KLHL6: variants seen among roughly 807,000 people sequenced by gnomAD.
The protein encoded by KLHL6 is kelch-like protein 6.
Under a neutral mutation model 58.6 loss-of-function variants are expected in KLHL6, and 41 were observed. The ratio of observed to expected loss-of-function variants is 0.70; its 90% CI spans 0.55 to 0.91. KLHL6 has a LOEUF of 0.91. Among genes scored for constraint, KLHL6 ranks in the 40% least tolerant of loss-of-function variants. KLHL6 has a pLI of 0.00. For missense variants in KLHL6, 714 were observed against 805.6 expected (o/e 0.89, Z 1.38); for synonymous variants, 338 against 322.7 (o/e 1.05, Z -0.51).
intron 2 of KLHL6, among the ~76,000 whole-genome samples, chr3:183,515,065 C>T (rs956936927): frequency 6.6e-5 from 10 of 152,184 alleles, no homozygotes; most frequent in African/African-American, 2.4e-4. Flanking sequence ...AACATTTGCA[C>T]ATGTGGCATT....
intron 1 of KLHL6, among the ~76,000 whole-genome samples, chr3:183,550,900 C>G (rs1232545669): frequency 1.3e-5 from 2 of 152,064 alleles, no homozygotes. Flanking sequence ...GTGGGTGGAT[C>G]ACGAGGTCAG....
chr3:183,532,287 T>G (rs891703709), intron 1 of KLHL6, among the ~76,000 whole-genome samples: 1 of 152,216 alleles, frequency 6.6e-6, no homozygotes, highest in Non-Finnish European at 1.5e-5. Flanking sequence ...GGTGGCCGTC[T>G]GCAAGCCAGG....
At chr3:183,496,644 C>A (rs1382121794) in intron 4 of KLHL6, among the ~76,000 whole-genome samples, 1 of 152,196 alleles carries the variant, frequency 6.6e-6, no homozygotes, top group Non-Finnish European at 1.5e-5. Context: ...TACTGGCCAA[C>A]ATAATTAAGC....
chr3:183,494,728 A>G (rs1717669383), intron 4 of KLHL6, among the ~76,000 whole-genome samples: 1 of 152,220 alleles, frequency 6.6e-6, no homozygotes, highest in African/African-American at 2.4e-5. Context: ...TTTACTTTTT[A>G]TTTAAACCAA....
chr3:183,535,211 G>A (rs1368218499), intron 1 of KLHL6, among the ~76,000 whole-genome samples: 1 of 152,164 alleles, frequency 6.6e-6, no homozygotes, highest in Non-Finnish European at 1.5e-5. Flanking sequence ...CCAAAGTGCT[G>A]GGATTACAGG....
intron 2 of KLHL6, among the ~76,000 whole-genome samples, chr3:183,517,589 G>C (rs1711607978): frequency 6.6e-6 from 1 of 152,180 alleles, no homozygotes; most frequent in African/African-American, 2.4e-5. Flanking sequence ...AGGTGTTGAG[G>C]GACTGAGGCA....
chr3:183,510,267 G>T (rs919540413), intron 2 of KLHL6, among the ~76,000 whole-genome samples: 6 of 151,368 alleles, frequency 4.0e-5, no homozygotes, highest in Admixed American at 2.6e-4. Context: ...TCGATTAATG[G>T]GGGGAGAGGA....
intron 2 of KLHL6, among the ~76,000 whole-genome samples, chr3:183,525,053 C>G (rs1330589617): frequency 6.6e-6 from 1 of 152,122 alleles, no homozygotes; most frequent in East Asian, 1.9e-4. Flanking sequence ...ATCACAAGGT[C>G]AGGAGTTCAA....
At chr3:183,530,349 C>G (rs1222865148) in intron 1 of KLHL6, among the ~76,000 whole-genome samples, 1 of 152,094 alleles carries the variant, frequency 6.6e-6, no homozygotes, top group Non-Finnish European at 1.5e-5. Context: ...AAATGAGGAA[C>G]ACGTATTGGA....
At chr3:183,535,795 G>T (rs1323113543) in intron 1 of KLHL6, among the ~76,000 whole-genome samples, 8 of 150,410 alleles carry the variant, frequency 5.3e-5, no homozygotes. Context: ...AATTCTTTTT[G>T]AGACGAGTCT....
rs1553811031 is a variant in KLHL6 at position 183,525,269 on chromosome 3, A to ACACACACACAC, written c.459+2575_459+2576insGTGTGTGTGTG. ...ACAGAGTGAGACTCTCTAAAAAAAA[A>ACACACACACAC]ACACACACACACACACACACACACA... On this transcript the variant is annotated intron_variant, in intron 2 of 6. Coordinates refer to ENST00000341319, the MANE Select transcript of KLHL6 (RefSeq NM_130446.4). Among the ~76,000 whole-genome samples, 97 of 133,862 alleles carry ACACACACACAC rather than the reference A, an allele frequency of 7.2e-4. 1 individual carries two copies. The highest frequency in any genetic ancestry group is 2.5e-3 in the African/African-American group (91 of 36,350). The allele number at this position is 133,862 out of a possible 152,430, so 87.8% of individuals were successfully genotyped here.
chr3:183,552,717 CAAA>C (rs1169148282), intron 1 of KLHL6, among the ~76,000 whole-genome samples: 526 of 47,570 alleles, frequency 0.011, 1 homozygote, highest in East Asian at 0.088. Context: ...GACTCCGTCT[CAAA>C]AAAAAAAAAA....
At chr3:183,506,804 G>A (rs1245935786) in intron 3 of KLHL6, among the ~76,000 whole-genome samples, 1 of 150,660 alleles carries the variant, frequency 6.6e-6, no homozygotes, top group Non-Finnish European at 1.5e-5. Context: ...CTCCAGCCTG[G>A]GCAACAGAGC....
intron 2 of KLHL6, among the ~76,000 whole-genome samples, chr3:183,517,508 G>A (rs1711605519): frequency 6.6e-6 from 1 of 152,124 alleles, no homozygotes; most frequent in African/African-American, 2.4e-5. Context: ...GCTGGTTCCT[G>A]GAAGCCTCAT....
intron 1 of KLHL6, among the ~76,000 whole-genome samples, chr3:183,554,244 C>T (rs946771299): frequency 2.6e-5 from 4 of 152,122 alleles, no homozygotes; most frequent in East Asian, 1.9e-4. Flanking sequence ...ACCCCAGGGA[C>T]GTGCTCATGG....
At chr3:183,502,203 G>A (rs59408701) in intron 3 of KLHL6, among the ~76,000 whole-genome samples, 2,860 of 152,104 alleles carry the variant, frequency 0.019, 131 homozygotes, top group East Asian at 0.18. Context: ...TCGGGAGGCT[G>A]AGGCAGGAGA....
intron 2 of KLHL6, among the ~76,000 whole-genome samples, chr3:183,517,421 A>G (rs1387476995): frequency 1.3e-5 from 2 of 152,146 alleles, no homozygotes; most frequent in African/African-American, 4.8e-5. Context: ...TATGTCTCAC[A>G]GTCCCCCAGG....
intron 2 of KLHL6, among the ~76,000 whole-genome samples, chr3:183,516,541 C>T (rs1009269543): frequency 1.3e-5 from 2 of 152,224 alleles, no homozygotes; most frequent in African/African-American, 4.8e-5. Flanking sequence ...CCACTTGAGA[C>T]GTGGCTGCAG....
In KLHL6 at chr3:183,505,361, C is replaced by T. The variant is rs115692332; in HGVS notation, c.909+2698G>A. Among the ~76,000 whole-genome samples the T allele has an allele frequency of 4.3e-3, 660 of 152,306 alleles. 5 individuals are homozygous for T. Among genetic ancestry groups the T allele is most frequent in the African/African-American group, 0.015 (623 of 41,556 alleles). ...TTATTTGCAAAAAATGAAGGCATAGCGTGCTTAAATACATGGGATGCTGTT... is the reference window on the plus strand; with the variant it reads ...TTATTTGCAAAAAATGAAGGCATAGTGTGCTTAAATACATGGGATGCTGTT... On this transcript the variant is annotated intron_variant, in intron 3 of 6. Coordinates refer to ENST00000341319, the MANE Select transcript of KLHL6 (RefSeq NM_130446.4).
Sources: gnomAD v4.1 joint callset for allele counts (sites outside exome capture counted in the v4.1 genomes callset) on GRCh38, gnomAD v4.1.1 for gene constraint, MANE v1.5 for transcripts, NCBI Gene and HGNC (gene_info 2026-07-23, HGNC 2026-07-21) for gene names.